C21orf91: variants seen among roughly 807,000 people sequenced by gnomAD.
C21orf91 encodes chromosome 21 open reading frame 91, also known as protein EURL homolog.
In C21orf91, 26 loss-of-function variants were observed where a neutral mutation model predicts 32.9. The ratio of observed to expected loss-of-function variants is 0.79; its 90% CI spans 0.58 to 1.10. The LOEUF is 1.10. Ranked by LOEUF, C21orf91 falls within the 50% of genes least tolerant of loss-of-function variation. The pLI, the probability that C21orf91 is intolerant of heterozygous loss-of-function variation, is 0.00. For missense variants in C21orf91, 310 were observed against 341.3 expected (o/e 0.91, Z 0.72); for synonymous variants, 126 against 120.4 (o/e 1.05, Z -0.31).
chr21:17,817,989 T>TA (rs202214417), intron 2 of C21orf91: 2,099 of 317,202 alleles, frequency 6.6e-3, no homozygotes, highest in South Asian at 8.5e-3. Flanking sequence ...CAGGGGTCTT[T>TA]AAAAAAAAAA....
chr21:17,818,904 G>A (rs1180999129), intron 1 of C21orf91: 1 of 152,300 alleles, frequency 6.6e-6, no homozygotes, highest in Non-Finnish European at 1.5e-5. Flanking sequence ...ACCGAAGGCC[G>A]AGCGGCGGCT....
Position 17,797,114 on chromosome 21 carries a change from T to C in C21orf91, c.132A>G (p.Val44=), listed in dbSNP as rs781595131. Residue 44 remains valine (V), a synonymous_variant, in exon 3 of 5, where the codon GTA becomes GTG. Transcript: ENST00000284881. The part of the protein sequence containing the change: ...HICFELNIEG[V]PKSDLLHTKS... ...TGGTGTGCAAGAGATCAGACTTTGG[T>C]ACCCCTATGGAAAAAAAAGAGAAAC... The C allele has an allele frequency of 9.6e-6, 15 of 1,567,248 alleles. No individual in the cohort carries two copies. The South Asian group carries it at 1.5e-4, about 16-fold the overall frequency.
At chr21:17,797,673 C>T (rs570351233) in intron 2 of C21orf91, among the ~76,000 whole-genome samples, 19 of 151,188 alleles carry the variant, frequency 1.3e-4, no homozygotes, top group South Asian at 4.2e-4. Context: ...ATCAAAGCAT[C>T]TAACATTTTT....
chr21:17,803,768 T>G (rs1297283228), intron 2 of C21orf91, among the ~76,000 whole-genome samples: 3 of 152,118 alleles, frequency 2.0e-5, no homozygotes, highest in African/African-American at 7.2e-5. Context: ...GATGAAAATG[T>G]TACTTGTTTC....
rs764899347 is a variant in C21orf91, at chr21:17,796,902, T to C, written c.344A>G (p.Asn115Ser). The C allele has an allele frequency of 6.8e-6, 11 of 1,613,088 alleles. No individual in the cohort carries two copies. The South Asian group carries it at 9.9e-5, about 14-fold the overall frequency. Residue 115 changes from asparagine to serine, a missense_variant, in exon 3 of 5, where the codon AAC becomes AGC. Coordinates refer to ENST00000284881, the MANE Select transcript of C21orf91 (RefSeq NM_001100420.2). ...GAAATTAAACAGATGATGCTGGGGGTTTTTAGAACATTCAGAATCTGAATC... is the reference window on the plus strand; with the variant it reads ...GAAATTAAACAGATGATGCTGGGGGCTTTTAGAACATTCAGAATCTGAATC... The part of the protein sequence containing the change: ...DLDSDSECSK[N>S]PQHHLFNFRH...
rs749592907 is a variant in C21orf91 at position 17,818,207 on chromosome 21, C to G, written c.112G>C (p.Glu38Gln). Residue 38 changes from glutamate (E) to glutamine (Q), a missense_variant, in exon 2 of 5, where the codon GAG becomes CAG. Transcript: ENST00000284881. Reference protein sequence around the residue: ...ETLSFCHICFELNIEGVPKSD... With the variant: ...ETLSFCHICFQLNIEGVPKSD... The stretch of plus-strand genomic sequence containing the variant: ...GTGTCCTTACCCTCAATATTTAGCT[C>G]AAAACAAATGTGGCAGAAGGAGAGT... 1.9e-6 allele frequency: 3 copies of G among 1,610,694 alleles called. No homozygotes were observed. The highest frequency in any genetic ancestry group is 1.7e-5 in the Admixed American group (1 of 59,964).
chr21:17,812,225 A>G (rs2062637275), intron 2 of C21orf91, among the ~76,000 whole-genome samples: 2 of 152,158 alleles, frequency 1.3e-5, no homozygotes, highest in Admixed American at 1.3e-4. Flanking sequence ...ACTCTCACCC[A>G]TCCCTACTCC....
At chr21:17,815,684 G>A (rs1177108837) in intron 2 of C21orf91, among the ~76,000 whole-genome samples, 1 of 141,448 alleles carries the variant, frequency 7.1e-6, no homozygotes, top group Non-Finnish European at 1.5e-5. Flanking sequence ...TTTTGAGACA[G>A]AGTTTTGCTC....
At chr21:17,811,919 T>G (rs1200327023) in intron 2 of C21orf91, among the ~76,000 whole-genome samples, 1 of 152,114 alleles carries the variant, frequency 6.6e-6, no homozygotes, top group African/African-American at 2.4e-5. Context: ...GCACTCAAGA[T>G]CATCATTATG....
intron 2 of C21orf91, among the ~76,000 whole-genome samples, chr21:17,798,792 G>A (rs190421479): frequency 9.0e-4 from 137 of 152,196 alleles, no homozygotes; most frequent in Non-Finnish European, 1.6e-3. Context: ...TTATTATTAC[G>A]CATTTTAGAT....
intron 2 of C21orf91, among the ~76,000 whole-genome samples, chr21:17,815,587 A>G (rs951095414): frequency 1.3e-5 from 2 of 152,210 alleles, no homozygotes; most frequent in African/African-American, 4.8e-5. Context: ...ACTGATTTCT[A>G]AAGACCCGTA....
intron 2 of C21orf91, among the ~76,000 whole-genome samples, chr21:17,806,532 G>A (rs570184787): frequency 1.8e-4 from 27 of 151,954 alleles, no homozygotes; most frequent in African/African-American, 6.5e-4. Flanking sequence ...GGAGGAGAGG[G>A]TAAATAGATG....
At position 17,796,767 on chromosome 21, in the gene C21orf91, C is replaced by A; in HGVS notation, c.479G>T (p.Arg160Ile). The A allele has an allele frequency of 1.2e-6, 2 of 1,614,136 alleles. No homozygotes were observed. The highest frequency in any genetic ancestry group is 1.6e-4 in the Middle Eastern group (1 of 6,062). ...TGTATTTTCCCTCTGCTCCAAAATT[C>A]TTTGTGTACAGTTAGAGATGCCACC... is the stretch of plus-strand genomic sequence containing the variant. ...SAGGISNCTQ[R>I]ILEQRENTDF... Residue 160 changes from arginine to isoleucine, a missense_variant, in exon 3 of 5, where the codon AGA becomes ATA. Arg to Ile is a moderately conservative substitution (Grantham distance 97, BLOSUM62 -3). Coordinates refer to ENST00000284881, the MANE Select transcript of C21orf91 (RefSeq NM_001100420.2).
rs1663681701 is a variant in C21orf91, at chr21:17,791,112, C to T, written c.*2303G>A. 1 of 152,104 alleles carries T rather than the reference C, an allele frequency of 6.6e-6. No individual in the cohort carries two copies. The highest frequency in any genetic ancestry group is 1.5e-5 in the Non-Finnish European group (1 of 67,970). The allele number at this position is 152,104 out of a possible 1,614,324, so 9.4% of individuals were successfully genotyped here. On this transcript the variant is annotated 3_prime_UTR_variant, in exon 5 of 5. Transcript: ENST00000284881. ...TACCTGATACTTATATTTGCATACA[C>T]AGTAATTGCATATTTGATTAAGAAA...
rs1366570121 is a variant in C21orf91 at position 17,818,274 on chromosome 21, GTCA to G, written c.42_44del (p.Asp15del). 2.5e-6 allele frequency: 4 copies of G among 1,611,542 alleles called. No individual in the cohort carries two copies. In the African/African-American group the frequency reaches 5.3e-5, roughly 22 times the overall value. On this transcript the variant is annotated inframe_deletion, in exon 2 of 5. Transcript: ENST00000284881. Reference sequence around the variant, plus strand: ...CCAGTTTACAAACACTGCAAATGTTGTCATCATTCAAATCAATGTTTACAAACT... The same window carrying G: ...CCAGTTTACAAACACTGCAAATGTTGTCATTCAAATCAATGTTTACAAACT...
rs1471744972 is a variant in C21orf91, at chr21:17,819,306, C to T, written c.-11G>A. ...AGCAGGGCTGCGGGGTCTTTACCGT[C>T]CGGCTCCGCGGGCCACCACCGCCGT... On this transcript the variant is annotated 5_prime_UTR_variant, in exon 1 of 5. Transcript: ENST00000284881. 2.0e-5 allele frequency: 3 copies of T among 152,402 alleles called. No individual in the cohort carries two copies. Among genetic ancestry groups the T allele is most frequent in the Non-Finnish European group, 2.9e-5 (2 of 68,228 alleles). The allele number at this position is 152,402 out of a possible 1,614,324, so 9.4% of individuals were successfully genotyped here.
chr21:17,795,180 A>AC, intron 4 of C21orf91, 28 bp downstream of exon 4: 1 of 1,518,050 alleles, frequency 6.6e-7, no homozygotes, highest in South Asian at 1.1e-5. Flanking sequence ...TTTGTCACAC[A>AC]CAAAAAAGTA....
chr21:17,804,424 C>T (rs1307717648), intron 2 of C21orf91, among the ~76,000 whole-genome samples: 1 of 152,152 alleles, frequency 6.6e-6, no homozygotes, highest in Non-Finnish European at 1.5e-5. Context: ...ATTTCCTCAC[C>T]CTCATGCCTT....
Position 17,789,133 on chromosome 21 carries a change from A to G in C21orf91, c.*4282T>C, listed in dbSNP as rs1055123623. 1.3e-5 allele frequency: 2 copies of G among 151,736 alleles called. No individual in the cohort carries two copies. Among genetic ancestry groups the G allele is most frequent in the African/African-American group, 4.9e-5 (2 of 41,158 alleles). The allele number at this position is 151,736 out of a possible 1,614,324, so 9.4% of individuals were successfully genotyped here. ...CTTTTTTGAAACAAACTTGGTTTTT[A>G]CCACAGCAGTTTCATTTTCTTTTTC... is the stretch of plus-strand genomic sequence containing the variant. On this transcript the variant is annotated 3_prime_UTR_variant, in exon 5 of 5. Coordinates refer to ENST00000284881, the MANE Select transcript of C21orf91 (RefSeq NM_001100420.2).
Sources: allele counts gnomAD v4.1 joint callset (sites outside exome capture counted in the v4.1 genomes callset), GRCh38; gene constraint gnomAD v4.1.1; transcripts MANE v1.5; gene names NCBI Gene and HGNC (gene_info 2026-07-23, HGNC 2026-07-21).